The following SLC29A1 variants were observed in gnomAD, a reference collection of about 807,000 sequenced individuals.
SLC29A1 encodes equilibrative nucleoside transporter 1.
SLC29A1 carries 22 observed loss-of-function variants against 48.3 expected under a neutral mutation model. That is an observed-to-expected ratio of 0.46 (90% confidence interval 0.33 to 0.65). The LOEUF is 0.65. Ranked by LOEUF, SLC29A1 falls within the 30% of genes least tolerant of loss-of-function variation. The pLI is 0.03. For synonymous variants in SLC29A1, 228 were observed against 231.0 expected (o/e 0.99, Z 0.12); for missense variants, 491 against 575.3 (o/e 0.85, Z 1.50).
At chr6:44,228,776 C>T (rs562361367) in intron 2 of SLC29A1, among the ~76,000 whole-genome samples, 2 of 152,338 alleles carry the variant, frequency 1.3e-5, no homozygotes, top group East Asian at 3.9e-4. Flanking sequence ...CCTCCAGTGG[C>T]CCCATACCTC....
In SLC29A1 at chr6:44,230,062, A is replaced by AG. The variant is rs781406459; in HGVS notation, c.454+21dup. ...CTCATTAATTGTAAGCTGGGCCAGG[A>AG]GGGGGCCTATGGGAGGAGGCATGCC... On this transcript the variant is annotated intron_variant, in intron 5 of 12. Coordinates refer to ENST00000371755, the MANE Select transcript of SLC29A1 (RefSeq NM_001372327.1). 3.7e-6 allele frequency: 6 copies of AG among 1,603,314 alleles called. No individual in the cohort carries two copies. The African/African-American group carries it at 5.3e-5, about 14-fold the overall frequency.
At chr6:44,222,252 A>C, upstream of SLC29A1, among the ~76,000 whole-genome samples, 1 of 38,482 alleles carries the variant, frequency 2.6e-5, no homozygotes, top group Admixed American at 3.6e-4. Flanking sequence ...GCTGGCGGGG[A>C]TGTGGGGGAT....
In SLC29A1 at chr6:44,223,905, G is replaced by C. The variant is rs1030038660; in HGVS notation, c.-52+264G>C. 1.0e-6 allele frequency: 1 copy of C among 995,052 alleles called. No homozygotes were observed. Among genetic ancestry groups the C allele is most frequent in the African/African-American group, 1.7e-5 (1 of 57,388 alleles). The allele number at this position is 995,052 out of a possible 1,614,324, so 61.6% of individuals were successfully genotyped here. On this transcript the variant is annotated intron_variant, in intron 1 of 12. Coordinates refer to ENST00000371755, the MANE Select transcript of SLC29A1 (RefSeq NM_001372327.1). The surrounding 1 kb of genome is among the most constrained non-coding windows in gnomAD (Gnocchi z 5.0). ...CGGGCCTAAAACAGGCTGCGGTCACGTTGACCTCCGCAAGGGGCAGGCGAG... is the reference window on the plus strand; with the variant it reads ...CGGGCCTAAAACAGGCTGCGGTCACCTTGACCTCCGCAAGGGGCAGGCGAG...
intron 1 of SLC29A1, chr6:44,226,145 C>A: frequency 1.0e-6 from 1 of 984,796 alleles, no homozygotes; most frequent in Non-Finnish European, 1.2e-6. Flanking sequence ...TCTGACCCTT[C>A]TGCTGGCCAG....
Position 44,232,208 on chromosome 6 carries a change from G to T in SLC29A1, c.973+102G>T. The T allele has an allele frequency of 2.6e-6, 3 of 1,151,052 alleles. No individual in the cohort carries two copies. The allele number at this position is 1,151,052 out of a possible 1,614,324, so 71.3% of individuals were successfully genotyped here. ...CTGGGTCACCTTCTCCCCGTTTCCT[G>T]GGTCCATTTGCCCTTCCCTGGGCTG... On this transcript the variant is annotated intron_variant, in intron 10 of 12. Transcript: ENST00000371755. The surrounding 1 kb of genome is among the most constrained non-coding windows in gnomAD (Gnocchi z 4.7).
At chr6:44,223,475 G>T, upstream of SLC29A1, 1 of 944,170 alleles carries the variant, frequency 1.1e-6, no homozygotes, top group Non-Finnish European at 1.3e-6. This position sits in a 1 kb window ranked among gnomAD's most constrained non-coding sequence, Gnocchi z 5.0. Flanking sequence ...GTCGCCGCGG[G>T]GTGGCAGGGG....
chr6:44,224,603 C>A (rs1430932032), intron 1 of SLC29A1, among the ~76,000 whole-genome samples: 1 of 152,180 alleles, frequency 6.6e-6, no homozygotes, highest in Non-Finnish European at 1.5e-5. Context: ...CTCAACCCCT[C>A]TGAACCTCAG....
intron 9 of SLC29A1, among the ~76,000 whole-genome samples, 154 bp downstream of exon 9, chr6:44,231,615 C>T (rs1055522868): frequency 6.6e-6 from 1 of 151,942 alleles, no homozygotes; most frequent in African/African-American, 2.4e-5. Flanking sequence ...GCGTGCGTGC[C>T]GGGGGTGGGG....
rs1776877574 is a variant in SLC29A1 at position 44,224,016 on chromosome 6, A to G, written c.-52+375A>G. ...CTGGCGGAGGGGTATGGGGATGGGG[A>G]TGGGGATGGAGGCTCGCGAGCGGAG... On this transcript the variant is annotated intron_variant, in intron 1 of 12. Coordinates refer to ENST00000371755, the MANE Select transcript of SLC29A1 (RefSeq NM_001372327.1). 6.3e-6 allele frequency: 5 copies of G among 792,196 alleles called. No individual in the cohort carries two copies. In the South Asian group the frequency reaches 1.7e-4, roughly 27 times the overall value. 49.1% of individuals were successfully genotyped at this position (792,196 alleles called of 1,614,324 possible). A position where few individuals can be genotyped will look rare whatever the true frequency, so the allele number is the denominator to read the frequency against.
intron 8 of SLC29A1, 142 bp from the exon 9 acceptor site, chr6:44,231,222 G>T (rs1211016070): frequency 2.6e-5 from 17 of 647,338 alleles, no homozygotes; most frequent in Admixed American, 5.2e-5. Context: ...TGGAGGCGAG[G>T]TCTGGGTTAG....
intron 1 of SLC29A1, chr6:44,225,560 C>A (rs1199047306): frequency 1.3e-5 from 2 of 152,226 alleles, no homozygotes; most frequent in Non-Finnish European, 2.9e-5. Flanking sequence ...CCCCCACCCC[C>A]ACTCCAGTAA....
In SLC29A1 at chr6:44,232,334, C is replaced by T. The variant is rs752855215; in HGVS notation, c.974-9C>T. On this transcript the variant is annotated splice_polypyrimidine_tract_variant and intron_variant, in intron 10 of 12. Coordinates refer to ENST00000371755, the MANE Select transcript of SLC29A1 (RefSeq NM_001372327.1). This position sits in a 1 kb window ranked among gnomAD's most constrained non-coding sequence, Gnocchi z 4.7. ...AGCCTGATAACCACCCGTTCATCTC[C>T]TCTTCCAGAACGTTACTTCATTCCT... 1.2e-6 allele frequency: 2 copies of T among 1,604,478 alleles called. No homozygotes were observed. The highest frequency in any genetic ancestry group is 2.2e-5 in the East Asian group (1 of 44,846).
chr6:44,223,004 G>C (rs997474378), upstream of SLC29A1, among the ~76,000 whole-genome samples: 3 of 152,188 alleles, frequency 2.0e-5, no homozygotes, highest in African/African-American at 7.2e-5. The surrounding 1 kb of genome is among the most constrained non-coding windows in gnomAD (Gnocchi z 5.0). Context: ...TCTGTGGCTG[G>C]GACTGGATGT....
At chr6:44,221,993 T>C (rs780788531), upstream of SLC29A1, among the ~76,000 whole-genome samples, 51 of 152,222 alleles carry the variant, frequency 3.4e-4, no homozygotes, top group Non-Finnish European at 1.5e-4. The surrounding 1 kb of genome is among the most constrained non-coding windows in gnomAD (Gnocchi z 4.2). Flanking sequence ...AGCCTTGCCA[T>C]GCCTGGCAGA....
In SLC29A1 at chr6:44,232,728, G is replaced by T. The variant is rs1312939554; in HGVS notation, c.1060-79G>T. ...TTGAGGTTTCAGTTCAGATCCTGAG[G>T]GGCCCCAGATGGATCCTTGGGGGCC... On this transcript the variant is annotated intron_variant, in intron 11 of 12. Transcript: ENST00000371755. This position sits in a 1 kb window ranked among gnomAD's most constrained non-coding sequence, Gnocchi z 4.7. The T allele has an allele frequency of 7.1e-6, 10 of 1,412,734 alleles. No individual in the cohort carries two copies. Among genetic ancestry groups the T allele is most frequent in the Non-Finnish European group, 9.8e-6 (10 of 1,020,714 alleles). 87.5% of individuals were successfully genotyped at this position (1,412,734 alleles called of 1,614,324 possible). A position where few individuals can be genotyped will look rare whatever the true frequency, so the allele number is the denominator to read the frequency against.
chr6:44,233,369 T>TG (rs761602300), intron 12 of SLC29A1, 48 bp from the exon 13 acceptor site: 25 of 1,483,840 alleles, frequency 1.7e-5, no homozygotes, highest in Non-Finnish European at 2.1e-5. Flanking sequence ...GGCTCTGGGC[T>TG]GGGGTACAGC....
In SLC29A1 at chr6:44,232,990, A is replaced by C; in HGVS notation, c.1243A>C (p.Met415Leu). The change falls in exon 12 of 13, where the codon ATG becomes CTG. Residue 415 changes from methionine to leucine, a missense_variant. Physicochemically the swap from Met to Leu is conservative, Grantham distance 15 (BLOSUM62 2). Coordinates refer to ENST00000371755, the MANE Select transcript of SLC29A1 (RefSeq NM_001372327.1). This position sits in a 1 kb window ranked among gnomAD's most constrained non-coding sequence, Gnocchi z 4.7. ...FSNGYLASLC[M>L]CFGPKKVKPA... ...CAACGGCTACCTCGCCAGCCTCTGCATGTGCTTCGGGCCCAAGTGAGTAGG... is the reference window on the plus strand; with the variant it reads ...CAACGGCTACCTCGCCAGCCTCTGCCTGTGCTTCGGGCCCAAGTGAGTAGG... 6.2e-7 allele frequency: 1 copy of C among 1,613,188 alleles called. No individual in the cohort carries two copies. Among genetic ancestry groups the C allele is most frequent in the Non-Finnish European group, 8.5e-7 (1 of 1,180,036 alleles).
At position 44,230,366 on chromosome 6, in the gene SLC29A1, G is replaced by A. The variant is rs1778554896; in HGVS notation, c.474G>A (p.Gln158=). 6.2e-7 allele frequency: 1 copy of A among 1,613,520 alleles called. No individual in the cohort carries two copies. The highest frequency in any genetic ancestry group is 8.5e-7 in the Non-Finnish European group (1 of 1,179,484). Residue 158 remains glutamine, a synonymous_variant, in exon 6 of 13, where the codon CAG becomes CAA. Coordinates refer to ENST00000371755, the MANE Select transcript of SLC29A1 (RefSeq NM_001372327.1). ...VLINSFGAIL[Q]GSLFGLAGLL... Reference sequence around the variant, plus strand: ...CCCCAGCATTTGGTGCCATCCTGCAGGGCAGCCTGTTTGGTCTGGCTGGCC... The same window carrying A: ...CCCCAGCATTTGGTGCCATCCTGCAAGGCAGCCTGTTTGGTCTGGCTGGCC...
chr6:44,227,137 A>G, intron 1 of SLC29A1, 126 bp from the exon 2 acceptor site: 1 of 1,393,148 alleles, frequency 7.2e-7, no homozygotes. Flanking sequence ...GGCAGGGTGC[A>G]GAGGGGGTCT....
Sources: gnomAD v4.1 joint callset for allele counts (sites outside exome capture counted in the v4.1 genomes callset) on GRCh38, gnomAD v4.1.1 for gene constraint, Gnocchi (gnomAD v3.1) non-coding constraint, MANE v1.5 for transcripts, NCBI Gene and HGNC (gene_info 2026-07-23, HGNC 2026-07-21) for gene names.